Variants in AGBL4 observed in about 807,000 individuals in gnomAD.
The protein encoded by AGBL4 is cytosolic carboxypeptidase 6.
Under a neutral mutation model 66.4 loss-of-function variants are expected in AGBL4, and 58 were observed. The observed-to-expected ratio is 0.87, with a 90% CI of 0.71 to 1.09. The LOEUF (loss-of-function observed/expected upper bound fraction) is 1.09, where lower values mean the gene tolerates loss of function less well. Among genes scored for constraint, AGBL4 ranks in the 50% least tolerant of loss-of-function variants. AGBL4 has a pLI of 0.00. For synonymous variants in AGBL4, 234 were observed against 222.9 expected, an observed-to-expected ratio of 1.05 and a Z score of -0.44; for missense variants, 579 against 631.0, an observed-to-expected ratio of 0.92 and a Z score of 0.88.
At chr1:48,794,775 T>C (rs1645630437) in intron 6 of AGBL4, among the ~76,000 whole-genome samples, 2 of 152,228 alleles carry the variant, frequency 1.3e-5, no homozygotes, top group African/African-American at 4.8e-5. Flanking sequence ...CTGTAGGCCT[T>C]CTGGACTTTT....
In AGBL4 at chr1:49,950,097, C is replaced by T. The variant is rs12728465; in HGVS notation, c.34+73666G>A. On this transcript the variant is annotated intron_variant, in intron 1 of 13. Coordinates refer to ENST00000371839, the MANE Select transcript of AGBL4 (RefSeq NM_032785.4). ...ATACACATATGTGTATATATATACA[C>T]ATATATATACATATGTATATACACA... Among the ~76,000 whole-genome samples the T allele has an allele frequency of 5.1e-5, 7 of 137,596 alleles. No individual in the cohort carries two copies. The East Asian group carries it at 6.3e-4, about 12-fold the overall frequency. 90.3% of individuals were successfully genotyped at this position (137,596 alleles called of 152,430 possible).
At chr1:48,551,372 A>C (rs1175837223) in intron 11 of AGBL4, among the ~76,000 whole-genome samples, 1 of 152,180 alleles carries the variant, frequency 6.6e-6, no homozygotes, top group Non-Finnish European at 1.5e-5. Flanking sequence ...TATTGCATTG[A>C]TTAGAAATTA....
intron 6 of AGBL4, among the ~76,000 whole-genome samples, chr1:48,673,915 C>T (rs898114976): frequency 6.6e-6 from 1 of 152,170 alleles, no homozygotes; most frequent in African/African-American, 2.4e-5. Context: ...GTCTGAACAA[C>T]CACAGAAGCC....
At position 49,138,073 on chromosome 1, in the gene AGBL4, G is replaced by A. The variant is rs562634288; in HGVS notation, c.378-92273C>T. 9.2e-5 allele frequency among the ~76,000 whole-genome samples: 14 copies of A among 152,226 alleles called. No individual in the cohort carries two copies. The East Asian group carries it at 2.5e-3, about 27-fold the overall frequency. On this transcript the variant is annotated intron_variant, in intron 4 of 13. Coordinates refer to ENST00000371839, the MANE Select transcript of AGBL4 (RefSeq NM_032785.4). ...AATGAAAGTGAAAAATTCTGGAACT[G>A]GGAAACAATCAAGTAGTTTGAGCTT...
chr1:49,764,457 G>T (rs1215566389), intron 2 of AGBL4, among the ~76,000 whole-genome samples: 4 of 152,090 alleles, frequency 2.6e-5, no homozygotes, highest in African/African-American at 9.7e-5. Flanking sequence ...TGAGAGATCT[G>T]CCAGTGAGCA....
chr1:49,713,718 A>C (rs1015112644), intron 2 of AGBL4, among the ~76,000 whole-genome samples: 3 of 152,116 alleles, frequency 2.0e-5, no homozygotes, highest in Non-Finnish European at 2.9e-5. Context: ...TTTTAGGATA[A>C]TTCTTTGCAG....
chr1:48,585,538 T>C (rs1644805096), intron 11 of AGBL4: 3 of 152,280 alleles, frequency 2.0e-5, no homozygotes, highest in Non-Finnish European at 4.4e-5. Context: ...GGCCAGGACT[T>C]TGGAACCCAC....
intron 3 of AGBL4, among the ~76,000 whole-genome samples, chr1:49,315,969 A>G (rs1288180484): frequency 1.3e-5 from 2 of 152,100 alleles, no homozygotes; most frequent in African/African-American, 4.8e-5. Flanking sequence ...AACACATAAA[A>G]GAAATTTAAA....
intron 3 of AGBL4, among the ~76,000 whole-genome samples, chr1:49,668,186 T>C (rs778215436): frequency 6.6e-6 from 1 of 152,196 alleles, no homozygotes; most frequent in African/African-American, 2.4e-5. Context: ...ATCCTTTAGT[T>C]CTTACTCCAG....
chr1:48,907,630 C>T (rs1393186463), intron 5 of AGBL4, among the ~76,000 whole-genome samples: 1 of 152,172 alleles, frequency 6.6e-6, no homozygotes, highest in Non-Finnish European at 1.5e-5. Context: ...AAATGATTCA[C>T]ATCTGCAATC....
chr1:49,518,924 T>C (rs1650045925), intron 3 of AGBL4, among the ~76,000 whole-genome samples: 1 of 152,126 alleles, frequency 6.6e-6, no homozygotes, highest in African/African-American at 2.4e-5. Flanking sequence ...TTTGTGAAAG[T>C]AGACATTTCT....
chr1:49,452,175 C>A lies in AGBL4; in HGVS notation c.283-206311G>T, dbSNP rs570018185. Among the ~76,000 whole-genome samples, 9 of 151,826 alleles carry A rather than the reference C, an allele frequency of 5.9e-5. No homozygotes were observed. The South Asian group carries it at 1.9e-3, about 32-fold the overall frequency. ...AAAACGTTCGGATTTCTCTTCAGCCCAAATCTGTTTTATTATGCTTCTGGC... is the reference window on the plus strand; with the variant it reads ...AAAACGTTCGGATTTCTCTTCAGCCAAAATCTGTTTTATTATGCTTCTGGC... On this transcript the variant is annotated intron_variant, in intron 3 of 13. Transcript: ENST00000371839.
chr1:48,638,088 T>C (rs1454880878), intron 8 of AGBL4, among the ~76,000 whole-genome samples: 1 of 152,264 alleles, frequency 6.6e-6, no homozygotes, highest in Non-Finnish European at 1.5e-5. Context: ...GTCTTGGGCA[T>C]GTCACCAGCT....
intron 6 of AGBL4, among the ~76,000 whole-genome samples, chr1:48,732,766 C>G (rs569232440): frequency 6.6e-6 from 1 of 152,244 alleles, no homozygotes; most frequent in South Asian, 2.1e-4. Context: ...AACCCAAAGT[C>G]AAGGGCACAC....
At chr1:49,044,257 G>A in intron 5 of AGBL4, among the ~76,000 whole-genome samples, 1 of 152,094 alleles carries the variant, frequency 6.6e-6, no homozygotes, top group Admixed American at 6.6e-5. Context: ...CAGCACTTTG[G>A]GAGGCCGAGG....
At chr1:49,024,038 C>T (rs774000407) in intron 5 of AGBL4, among the ~76,000 whole-genome samples, 2 of 152,220 alleles carry the variant, frequency 1.3e-5, no homozygotes. Context: ...GTATCTGCAG[C>T]TGACCAAGAT....
chr1:49,880,322 T>C (rs561873210), intron 1 of AGBL4, among the ~76,000 whole-genome samples: 1 of 152,080 alleles, frequency 6.6e-6, no homozygotes, highest in African/African-American at 2.4e-5. Flanking sequence ...ATGATGGTGA[T>C]GTACAGATGG....
intron 4 of AGBL4, among the ~76,000 whole-genome samples, chr1:49,222,056 A>C (rs543159164): frequency 2.3e-4 from 35 of 152,296 alleles, no homozygotes; most frequent in Admixed American, 2.2e-3. Context: ...GAACCATTCT[A>C]TCAACCAAAA....
At chr1:49,566,170 C>A (rs1197825776) in intron 3 of AGBL4, among the ~76,000 whole-genome samples, 3 of 152,276 alleles carry the variant, frequency 2.0e-5, no homozygotes, top group Non-Finnish European at 4.4e-5. Flanking sequence ...TTAAGGACTT[C>A]TCTGCATTGG....
Sources: allele counts gnomAD v4.1 joint callset (sites outside exome capture counted in the v4.1 genomes callset), GRCh38; gene constraint gnomAD v4.1.1; transcripts MANE v1.5; gene names NCBI Gene and HGNC (gene_info 2026-07-23, HGNC 2026-07-21).